Variants in USP15 observed in about 807,000 individuals in gnomAD.
The protein encoded by USP15 is ubiquitin specific peptidase 15.
USP15 carries 18 observed loss-of-function variants against 127.1 expected under a neutral mutation model. That is an observed-to-expected ratio of 0.14 (90% CI 0.10 to 0.21). The LOEUF (loss-of-function observed/expected upper bound fraction) is 0.21. Among genes scored for constraint, USP15 ranks in the 10% least tolerant of loss-of-function variants. The probability of loss-of-function intolerance (pLI) is 1.00; values close to 1 mark genes in which losing one functional copy is unlikely to be tolerated. For synonymous variants in USP15, 364 were observed against 393.7 expected (o/e 0.92, Z 0.89); for missense variants, 805 against 1,159.9 (o/e 0.69, Z 4.44).
chr12:62,355,190 TTAAA>T, intron 7 of USP15, 137 bp from the exon 8 acceptor site: 1 of 762,618 alleles, frequency 1.3e-6, no homozygotes. Context: ...GTTCAAGTCT[TTAAA>T]AAAGTATCTG....
intron 1 of USP15, among the ~76,000 whole-genome samples, chr12:62,292,338 T>G (rs992149671): frequency 2.0e-5 from 3 of 152,216 alleles, no homozygotes; most frequent in African/African-American, 4.8e-5. Flanking sequence ...GACAGTACAC[T>G]TCTGTGCTAT....
intron 2 of USP15, among the ~76,000 whole-genome samples, chr12:62,296,328 C>A (rs535661542): frequency 6.6e-6 from 1 of 152,214 alleles, no homozygotes; most frequent in Admixed American, 6.5e-5. Context: ...ACCCACAGAA[C>A]TGTGAACTAA....
intron 8 of USP15, among the ~76,000 whole-genome samples, chr12:62,366,665 A>G (rs958298125): frequency 3.9e-5 from 6 of 152,198 alleles, no homozygotes; most frequent in African/African-American, 1.4e-4. Context: ...TTGCCCATTC[A>G]GTATGATATT....
At chr12:62,319,655 T>C (rs1180593343) in intron 4 of USP15, among the ~76,000 whole-genome samples, 1 of 151,482 alleles carries the variant, frequency 6.6e-6, no homozygotes, top group Non-Finnish European at 1.5e-5. Flanking sequence ...TTACTACCCC[T>C]ATGCCTGTAA....
chr12:62,403,301 T>G (rs1298239587), intron 21 of USP15, among the ~76,000 whole-genome samples: 1 of 151,998 alleles, frequency 6.6e-6, no homozygotes, highest in East Asian at 1.9e-4. Flanking sequence ...CATAGTATGT[T>G]TAAAGGTCAG....
At position 62,361,737 on chromosome 12, in the gene USP15, T is replaced by C. The variant is rs114443548; in HGVS notation, c.915+6262T>C. ...AAGAAAATAAAAGGAAAGAAAAACC[T>C]ATTTCAGATTTACTTCTCTTACTTA... On this transcript the variant is annotated intron_variant, in intron 8 of 21. Transcript: ENST00000280377. Among the ~76,000 whole-genome samples the C allele has an allele frequency of 1.8e-3, 270 of 152,138 alleles. 1 individual carries two copies. The highest frequency in any genetic ancestry group is 6.4e-3 in the African/African-American group (266 of 41,558).
chr12:62,302,652 C>A, intron 2 of USP15, 138 bp from the exon 3 acceptor site: 2 of 816,756 alleles, frequency 2.4e-6, no homozygotes. Flanking sequence ...ATTGGACACC[C>A]CTGATGTAAG....
rs150743219 is a variant in USP15, at chr12:62,321,253, A to G, written c.476-211A>G. 4.1e-3 allele frequency among the ~76,000 whole-genome samples: 621 copies of G among 152,268 alleles called. 4 individuals are homozygous for G. Among genetic ancestry groups the G allele is most frequent in the African/African-American group, 0.014 (601 of 41,562 alleles). On this transcript the variant is annotated intron_variant, in intron 4 of 21. Transcript: ENST00000280377. Reference sequence around the variant, plus strand: ...TACCTTTTGAGATTTTAAATTCCCCAAGTAATTTGTTGGAGTACAAATACC... The same window carrying G: ...TACCTTTTGAGATTTTAAATTCCCCGAGTAATTTGTTGGAGTACAAATACC...
At chr12:62,296,418 T>C (rs1210688085) in intron 2 of USP15, among the ~76,000 whole-genome samples, 1 of 152,230 alleles carries the variant, frequency 6.6e-6, no homozygotes, top group Non-Finnish European at 1.5e-5. Flanking sequence ...ACACTGTTTT[T>C]TAAAAAGCCG....
At chr12:62,391,499 C>A in intron 16 of USP15, 70 bp downstream of exon 16, 1 of 1,543,314 alleles carries the variant, frequency 6.5e-7, no homozygotes, top group Non-Finnish European at 8.7e-7. Context: ...TAGGTGAAAA[C>A]CATGAAATTC....
intron 6 of USP15, among the ~76,000 whole-genome samples, chr12:62,340,857 T>C (rs1022548905): frequency 1.1e-5 from 1 of 92,248 alleles, no homozygotes; most frequent in Admixed American, 9.1e-5. Context: ...TTCTGTTGAT[T>C]AGTGGTGAAG....
intron 3 of USP15, 29 bp downstream of exon 3, chr12:62,302,949 T>G: frequency 1.9e-6 from 3 of 1,591,226 alleles, no homozygotes; most frequent in Non-Finnish European, 2.6e-6. Context: ...TGACTATAAA[T>G]ATTATTTTTC....
At chr12:62,270,333 G>A (rs1280521423) in intron 1 of USP15, among the ~76,000 whole-genome samples, 1 of 151,950 alleles carries the variant, frequency 6.6e-6, no homozygotes, top group East Asian at 1.9e-4. Flanking sequence ...TTTCTTGGTA[G>A]TGTCCACTGA....
intron 2 of USP15, among the ~76,000 whole-genome samples, chr12:62,300,510 C>T (rs75021667): frequency 0.022 from 3,336 of 152,072 alleles, 122 homozygotes; most frequent in African/African-American, 0.075. Context: ...TGATTTCAAT[C>T]CTTATTTTAA....
intron 5 of USP15, among the ~76,000 whole-genome samples, chr12:62,325,575 A>G (rs1433725302): frequency 1.3e-5 from 2 of 152,098 alleles, no homozygotes; most frequent in Non-Finnish European, 2.9e-5. Flanking sequence ...CAAGGAATTT[A>G]TATTCTGTTT....
Position 62,389,878 on chromosome 12 carries a change from G to A in USP15, c.1734G>A (p.Ser578=), listed in dbSNP as rs1299827872. 9 of 1,613,816 alleles carry A rather than the reference G, an allele frequency of 5.6e-6. No individual in the cohort carries two copies. Among genetic ancestry groups the A allele is most frequent in the East Asian group, 2.2e-5 (1 of 44,816 alleles). Residue 578 remains serine, a synonymous_variant, in exon 14 of 22, where the codon TCG becomes TCA. Transcript: ENST00000280377. ...PVCLREKFRH[S]SYTHHTGSSL... is the part of the protein sequence containing the mutation. ...GCCTAAGAGAAAAATTCAGACACTC[G>A]AGTTATACCCACCATACTGGTTCTT...
Position 62,415,849 on chromosome 12 carries a change from T to C in USP15, c.*11474T>C, listed in dbSNP as rs1447780818. The C allele has an allele frequency of 4.6e-5, 7 of 152,230 alleles. No individual in the cohort carries two copies. The highest frequency in any genetic ancestry group is 1.7e-4 in the African/African-American group (7 of 41,470). The allele number at this position is 152,230 out of a possible 1,614,324, so 9.4% of individuals were successfully genotyped here. On this transcript the variant is annotated 3_prime_UTR_variant, in exon 22 of 22. Transcript: ENST00000280377. Reference sequence around the variant, plus strand: ...AGAATAATTGCAAGGTTTTGTGTCTTGATCATTATGAAAAATGTGGCAGGT... The same window carrying C: ...AGAATAATTGCAAGGTTTTGTGTCTCGATCATTATGAAAAATGTGGCAGGT...
Position 62,413,881 on chromosome 12 carries a change from C to G in USP15, c.*9506C>G, listed in dbSNP as rs1402449100. ...TTGCCTTGGCTTTCAACATGCTTTC[C>G]TCACTAAGCTCCAATCATTTATAGC... is the stretch of plus-strand genomic sequence containing the variant. On this transcript the variant is annotated 3_prime_UTR_variant, in exon 22 of 22. Coordinates refer to ENST00000280377, the MANE Select transcript of USP15 (RefSeq NM_001252078.2). 1 of 152,212 alleles carries G rather than the reference C, an allele frequency of 6.6e-6. No homozygotes were observed. Among genetic ancestry groups the G allele is most frequent in the Admixed American group, 6.5e-5 (1 of 15,282 alleles). The allele number at this position is 152,212 out of a possible 1,614,324, so 9.4% of individuals were successfully genotyped here. A position where few individuals can be genotyped will look rare whatever the true frequency, so the allele number is the denominator to read the frequency against.
chr12:62,388,429 A>G (rs917144811), intron 11 of USP15, among the ~76,000 whole-genome samples: 30 of 152,176 alleles, frequency 2.0e-4, no homozygotes, highest in Non-Finnish European at 4.3e-4. Context: ...CACTGGGCCC[A>G]GCCCAATGAA....
Sources: allele counts gnomAD v4.1 joint callset (sites outside exome capture counted in the v4.1 genomes callset), GRCh38; gene constraint gnomAD v4.1.1; transcripts MANE v1.5; gene names NCBI Gene and HGNC (gene_info 2026-07-23, HGNC 2026-07-21).